CTNNA3: variants seen among roughly 807,000 people sequenced by gnomAD.
CTNNA3 encodes the protein catenin alpha-3.
Under a neutral mutation model 95.7 loss-of-function variants are expected in CTNNA3, and 76 were observed. The observed-to-expected ratio is 0.79, with a 90% CI of 0.66 to 0.96. The LOEUF (loss-of-function observed/expected upper bound fraction) is 0.96, where lower values mean the gene tolerates loss of function less well. Ranked by LOEUF, CTNNA3 falls within the 40% of genes least tolerant of loss-of-function variation. The pLI, the probability that CTNNA3 is intolerant of heterozygous loss-of-function variation, is 0.00. For missense variants in CTNNA3, 1,191 were observed against 1,089.8 expected (o/e 1.09, Z -1.31); for synonymous variants, 431 against 374.4 (o/e 1.15, Z -1.74).
chr10:66,379,158 T>C lies in CTNNA3; in HGVS notation c.1726A>G (p.Ser576Gly). The change falls in exon 12 of 18, where the codon AGT (serine) becomes GGT (glycine). Residue 576 changes from serine (S) to glycine (G), a missense_variant. By Grantham distance (56) the Ser-to-Gly change is moderately conservative. Coordinates refer to ENST00000433211, the MANE Select transcript of CTNNA3 (RefSeq NM_013266.4). ...GVMRNVNFLT[S>G]TVIPEFVTQV... is the part of the protein sequence containing the mutation. ...TTATTGGCAACTGACTTACCAGTAC[T>C]TGTAAGGAAGTTAACATTTCTCATT... is the stretch of plus-strand genomic sequence containing the variant. 1.2e-6 allele frequency: 2 copies of C among 1,613,488 alleles called. No individual in the cohort carries two copies. The highest frequency in any genetic ancestry group is 1.7e-6 in the Non-Finnish European group (2 of 1,179,402).
chr10:66,489,026 T>C (rs1024559547), intron 11 of CTNNA3, among the ~76,000 whole-genome samples: 1 of 152,104 alleles, frequency 6.6e-6, no homozygotes. Flanking sequence ...TCAGTCATTG[T>C]GGTTTATCCA....
Position 66,056,221 on chromosome 10 carries a change from T to C in CTNNA3, c.2159+13087A>G, listed in dbSNP as rs538614563. ...CATTTTGAGGACAAATACATACTTG[T>C]TGAGGGTTTTTACCATGAAGGGATG... is the stretch of plus-strand genomic sequence containing the variant. On this transcript the variant is annotated intron_variant, in intron 15 of 17. Coordinates refer to ENST00000433211, the MANE Select transcript of CTNNA3 (RefSeq NM_013266.4). Among the ~76,000 whole-genome samples, 20 of 152,268 alleles carry C rather than the reference T, an allele frequency of 1.3e-4. No individual in the cohort carries two copies. The South Asian group carries it at 4.1e-3, about 31-fold the overall frequency.
chr10:66,081,891 C>T (rs142945071), intron 14 of CTNNA3, among the ~76,000 whole-genome samples: 2,145 of 151,990 alleles, frequency 0.014, 29 homozygotes, highest in East Asian at 0.037. Flanking sequence ...CTGCGGTGGG[C>T]GGATCACTTG....
chr10:66,969,232 A>G (rs958249151), intron 7 of CTNNA3, among the ~76,000 whole-genome samples: 1 of 152,120 alleles, frequency 6.6e-6, no homozygotes, highest in Non-Finnish European at 1.5e-5. Context: ...ACATCTATGC[A>G]CAGGCATTTA....
chr10:67,309,157 AT>A (rs944476042), intron 5 of CTNNA3, among the ~76,000 whole-genome samples: 3 of 151,972 alleles, frequency 2.0e-5, no homozygotes, highest in Non-Finnish European at 4.4e-5. Flanking sequence ...AATGCACTCT[AT>A]TTTTTTGTGG....
At chr10:66,479,182 T>TATCA (rs1297303532) in intron 11 of CTNNA3, among the ~76,000 whole-genome samples, 1 of 152,024 alleles carries the variant, frequency 6.6e-6, no homozygotes, top group East Asian at 1.9e-4. Context: ...CTCTATTATC[T>TATCA]ATCAAGTCTC....
chr10:67,474,893 T>C (rs1260689683), intron 5 of CTNNA3, among the ~76,000 whole-genome samples: 3 of 152,214 alleles, frequency 2.0e-5, no homozygotes, highest in African/African-American at 7.2e-5. Flanking sequence ...AATTATATGC[T>C]ACCATATGAC....
chr10:67,762,743 C>T (rs961403119), intron 1 of CTNNA3, among the ~76,000 whole-genome samples: 2 of 152,134 alleles, frequency 1.3e-5, no homozygotes. Context: ...GCAGACAGCC[C>T]GGCGCCACAC....
intron 12 of CTNNA3, among the ~76,000 whole-genome samples, chr10:66,346,222 TATATATATATATATATATATATATAG>T (rs1478701227): frequency 3.0e-4 from 27 of 89,650 alleles, no homozygotes; most frequent in African/African-American, 1.2e-3. Flanking sequence ...TATATATATA[TATATATATATATATATATATATATAG>T]AGAGAGAGAG....
chr10:65,977,745 C>A (rs1191730213), intron 16 of CTNNA3, among the ~76,000 whole-genome samples: 1 of 151,952 alleles, frequency 6.6e-6, no homozygotes, highest in Admixed American at 6.6e-5. Flanking sequence ...CGTGCCACTA[C>A]ACTCCAGCCT....
At position 67,762,932 on chromosome 10, in the gene CTNNA3, C is replaced by A. The variant is rs536620135; in HGVS notation, c.-2+502G>T. Among the ~76,000 whole-genome samples, 24 of 152,238 alleles carry A rather than the reference C, an allele frequency of 1.6e-4. No homozygotes were observed. The South Asian group carries it at 4.8e-3, about 30-fold the overall frequency. ...GATCACGACCCTCTCACGCGGACCCCCTTAGAGTTGTAAGCCCTTAAGTGG... is the reference window on the plus strand; with the variant it reads ...GATCACGACCCTCTCACGCGGACCCACTTAGAGTTGTAAGCCCTTAAGTGG... On this transcript the variant is annotated intron_variant, in intron 1 of 17. Transcript: ENST00000684154.
intron 4 of CTNNA3, among the ~76,000 whole-genome samples, chr10:67,524,797 G>A (rs1378411530): frequency 6.6e-6 from 1 of 152,118 alleles, no homozygotes; most frequent in Non-Finnish European, 1.5e-5. Flanking sequence ...ATACTAAAGA[G>A]TGAAAGCAAT....
In CTNNA3 at chr10:66,353,962, T is replaced by C. The variant is rs1055970591; in HGVS notation, c.1732+25190A>G. Among the ~76,000 whole-genome samples the C allele has an allele frequency of 1.6e-4, 24 of 152,052 alleles. 1 individual carries two copies. In the Middle Eastern group the frequency reaches 0.014, roughly 86 times the overall value. On this transcript the variant is annotated intron_variant, in intron 12 of 17. Coordinates refer to ENST00000433211, the MANE Select transcript of CTNNA3 (RefSeq NM_013266.4). The stretch of plus-strand genomic sequence containing the variant: ...TAGTGAGGAAAAATAATCATCCATA[T>C]GGGAGTATCCGTGACATTTGTAAAA...
intron 15 of CTNNA3, among the ~76,000 whole-genome samples, chr10:66,007,475 A>G (rs2078909659): frequency 1.3e-5 from 2 of 152,180 alleles, no homozygotes; most frequent in South Asian, 4.1e-4. Context: ...CAATTAACAA[A>G]TGTTAAAGCA....
chr10:67,734,018 A>G (rs916801263), intron 1 of CTNNA3, among the ~76,000 whole-genome samples: 6 of 152,112 alleles, frequency 3.9e-5, no homozygotes, highest in African/African-American at 1.4e-4. Flanking sequence ...CATAACAACC[A>G]CGCTGGATTT....
At chr10:67,424,795 T>C (rs1361708348) in intron 5 of CTNNA3, among the ~76,000 whole-genome samples, 5 of 152,110 alleles carry the variant, frequency 3.3e-5, no homozygotes, top group Admixed American at 1.3e-4. Context: ...GAGATTGTGT[T>C]TGATGATGTT....
At chr10:66,783,582 C>G (rs192993897) in intron 7 of CTNNA3, among the ~76,000 whole-genome samples, 136 of 152,162 alleles carry the variant, frequency 8.9e-4, no homozygotes, top group African/African-American at 3.2e-3. Context: ...AGCGTCTGTA[C>G]GAACGTGGAG....
intron 12 of CTNNA3, among the ~76,000 whole-genome samples, chr10:66,309,939 AAATAAATAAATAAAT>A (rs2091992704): frequency 8.4e-6 from 1 of 119,076 alleles, no homozygotes; most frequent in African/African-American, 3.1e-5. Flanking sequence ...ATAAATAAAT[AAATAAATAAATAAAT>A]AAAATAAAAA....
chr10:66,877,319 G>T (rs1844664607), intron 7 of CTNNA3, among the ~76,000 whole-genome samples: 1 of 152,134 alleles, frequency 6.6e-6, no homozygotes, highest in Non-Finnish European at 1.5e-5. Context: ...TATGGCGAGG[G>T]TTTAATAGGG....
Sources: gnomAD v4.1 joint callset for allele counts (sites outside exome capture counted in the v4.1 genomes callset) on GRCh38, gnomAD v4.1.1 for gene constraint, MANE v1.5 for transcripts, NCBI Gene and HGNC (gene_info 2026-07-23, HGNC 2026-07-21) for gene names.